The following GIGYF2 variants were observed in gnomAD, a reference collection of about 807,000 sequenced individuals.
GIGYF2 encodes the protein GRB10-interacting GYF protein 2.
A neutral mutation model predicts 208.1 loss-of-function variants in GIGYF2; 25 were observed. The ratio of observed to expected loss-of-function variants is 0.12; its 90% CI spans 0.09 to 0.17. The LOEUF (loss-of-function observed/expected upper bound fraction) is 0.17. Ranked by LOEUF, GIGYF2 falls within the 10% of genes least tolerant of loss-of-function variation. GIGYF2 has a pLI of 1.00. For synonymous variants in GIGYF2, 534 were observed against 543.8 expected (o/e 0.98, Z 0.25); for missense variants, 1,302 against 1,579.4 (o/e 0.82, Z 2.98).
intron 4 of GIGYF2, 103 bp from the exon 5 acceptor site, chr2:232,748,884 T>A: frequency 1.3e-6 from 1 of 750,462 alleles, no homozygotes; most frequent in Non-Finnish European, 2.5e-6. Flanking sequence ...TTTATAATAA[T>A]CAACAATAAA....
At chr2:232,801,609 C>T (rs1012429030) in intron 14 of GIGYF2, among the ~76,000 whole-genome samples, 1 of 152,198 alleles carries the variant, frequency 6.6e-6, no homozygotes, top group African/African-American at 2.4e-5. Flanking sequence ...GGTTAATTAA[C>T]AAGCATACTA....
chr2:232,711,455 G>A (rs6739794), intron 2 of GIGYF2, among the ~76,000 whole-genome samples: 96,635 of 151,016 alleles, frequency 0.64, 31,026 homozygotes, highest in South Asian at 0.79. Context: ...AAATCTAAAA[G>A]GTATTAGTTT....
At chr2:232,827,297 G>A (rs758569340) in intron 21 of GIGYF2, among the ~76,000 whole-genome samples, 3 of 152,088 alleles carry the variant, frequency 2.0e-5, no homozygotes, top group Non-Finnish European at 4.4e-5. Context: ...AGTTTTGTAC[G>A]ACTTGCTTTA....
chr2:232,739,938 A>T (rs1177937982), intron 3 of GIGYF2, among the ~76,000 whole-genome samples: 2 of 16,312 alleles, frequency 1.2e-4, no homozygotes, highest in Non-Finnish European at 2.1e-4. Flanking sequence ...CATCTCTGCT[A>T]AAAAAAAAAA....
intron 2 of GIGYF2, among the ~76,000 whole-genome samples, chr2:232,729,120 A>G (rs1297119629): frequency 1.3e-5 from 2 of 152,124 alleles, no homozygotes; most frequent in Non-Finnish European, 2.9e-5. Context: ...CTTGGACTGC[A>G]GGAGCATACC....
intron 23 of GIGYF2, among the ~76,000 whole-genome samples, chr2:232,843,424 G>T (rs1369151872): frequency 6.6e-6 from 1 of 151,904 alleles, no homozygotes; most frequent in Non-Finnish European, 1.5e-5. Context: ...CAGGCGTGGT[G>T]TGGTGGCAGG....
At chr2:232,790,496 T>C (rs1700038433) in intron 9 of GIGYF2, among the ~76,000 whole-genome samples, 1 of 152,230 alleles carries the variant, frequency 6.6e-6, no homozygotes, top group Admixed American at 6.5e-5. Flanking sequence ...GGCTCAGTAC[T>C]TAAGTACTGT....
At chr2:232,852,085 T>G (rs1330679277) in intron 28 of GIGYF2, among the ~76,000 whole-genome samples, 12 of 152,030 alleles carry the variant, frequency 7.9e-5, no homozygotes. Context: ...CTGGGTTGAG[T>G]TTGAAATGTC....
At chr2:232,740,179 C>T (rs75478542) in intron 3 of GIGYF2, among the ~76,000 whole-genome samples, 6,776 of 152,026 alleles carry the variant, frequency 0.045, 192 homozygotes, top group Non-Finnish European at 0.065. Flanking sequence ...TCTATTCAGT[C>T]GAGTGTGGTG....
chr2:232,800,811 G>A (rs1359998211), intron 14 of GIGYF2, among the ~76,000 whole-genome samples: 1 of 152,092 alleles, frequency 6.6e-6, no homozygotes, highest in Admixed American at 6.6e-5. Context: ...GTTTCCTTGG[G>A]AGGCTGAGAC....
chr2:232,768,320 A>C, intron 8 of GIGYF2: 1 of 1,614,224 alleles, frequency 6.2e-7, no homozygotes, highest in South Asian at 1.1e-5. Flanking sequence ...CAGTCTTGTC[A>C]AAATTCTCCA....
At chr2:232,760,645 T>A in intron 7 of GIGYF2, 54 bp downstream of exon 7, 2 of 1,210,732 alleles carry the variant, frequency 1.7e-6, no homozygotes, top group Admixed American at 3.6e-5. Flanking sequence ...AAACTTATAT[T>A]TTTTGCTTTC....
chr2:232,756,197 CTTTT>C (rs759525243), intron 5 of GIGYF2, 22 bp from the exon 6 acceptor site: 2,760 of 702,160 alleles, frequency 3.9e-3, no homozygotes, highest in Non-Finnish European at 4.2e-3. Flanking sequence ...TCCTTTTTCT[CTTTT>C]TTTTTTTTTT....
intron 2 of GIGYF2, among the ~76,000 whole-genome samples, chr2:232,730,885 G>A (rs1408599322): frequency 1.0e-3 from 117 of 111,966 alleles, no homozygotes; most frequent in Non-Finnish European, 1.7e-3. Flanking sequence ...GCGACAGAGC[G>A]AGACTCCGTC....
chr2:232,829,333 G>T (rs1701346008), intron 21 of GIGYF2, among the ~76,000 whole-genome samples: 1 of 152,020 alleles, frequency 6.6e-6, no homozygotes, highest in Admixed American at 6.6e-5. Context: ...AGTCTTTGGT[G>T]TTTGCACGGT....
chr2:232,754,991 TTATTA>T (rs986811940), intron 5 of GIGYF2, among the ~76,000 whole-genome samples: 3 of 152,164 alleles, frequency 2.0e-5, no homozygotes, highest in African/African-American at 7.2e-5. Context: ...AATGACCTAT[TTATTA>T]CAACACATTT....
rs151188080 is a variant in GIGYF2, at chr2:232,784,104, A to C, written c.533-3046A>C. 2.6e-5 allele frequency among the ~76,000 whole-genome samples: 4 copies of C among 152,202 alleles called. No individual in the cohort carries two copies. The South Asian group carries it at 8.3e-4, about 31-fold the overall frequency. On this transcript the variant is annotated intron_variant, in intron 8 of 28. Transcript: ENST00000373563. ...ATTCAGCATCCCTGAAATTAAATGG[A>C]TAGGATTTTCTCATAACATGATCAC...
intron 2 of GIGYF2, among the ~76,000 whole-genome samples, chr2:232,718,585 A>G (rs1048725347): frequency 2.0e-5 from 3 of 152,148 alleles, no homozygotes; most frequent in Non-Finnish European, 2.9e-5. Context: ...CCTTGGATGT[A>G]TGTGTAGCAG....
chr2:232,756,274 C>CGAG lies in GIGYF2; in HGVS notation c.331_333dup (p.Gly111dup), dbSNP rs755468162. The stretch of plus-strand genomic sequence containing the variant: ...TGCTGCTGTCCTGCGATTGACAGGA[C>CGAG]GAGGAGGAGGAGGAACAGTGGTGGG... On this transcript the variant is annotated inframe_insertion, in exon 6 of 29. Coordinates refer to ENST00000373563, the MANE Select transcript of GIGYF2 (RefSeq NM_001103146.3). 3.2e-6 allele frequency: 5 copies of CGAG among 1,578,558 alleles called. No homozygotes were observed. The highest frequency in any genetic ancestry group is 4.3e-6 in the Non-Finnish European group (5 of 1,169,552).
Sources: allele counts gnomAD v4.1 joint callset (sites outside exome capture counted in the v4.1 genomes callset), GRCh38; gene constraint gnomAD v4.1.1; transcripts MANE v1.5; gene names NCBI Gene and HGNC (gene_info 2026-07-23, HGNC 2026-07-21).